Variants in KLRG1 observed in about 807,000 individuals in gnomAD.
KLRG1 encodes the protein killer cell lectin-like receptor subfamily G member 1.
In KLRG1, 16 loss-of-function variants were observed where a neutral mutation model predicts 21.8. That is an observed-to-expected ratio of 0.73 (90% CI 0.50 to 1.11). The LOEUF is 1.11. Ranked by LOEUF, KLRG1 falls within the 50% of genes most tolerant of loss-of-function variation. The probability of loss-of-function intolerance (pLI) is 0.00; values close to 1 mark genes in which losing one functional copy is unlikely to be tolerated. For missense variants in KLRG1, 173 were observed against 218.3 expected, an observed-to-expected ratio of 0.79 and a Z score of 1.31; for synonymous variants, 69 against 75.9, an observed-to-expected ratio of 0.91 and a Z score of 0.47.
At chr12:9,087,995 G>T in the KLRG1 span, among the ~76,000 whole-genome samples, 1 of 152,086 alleles carries the variant, frequency 6.6e-6, no homozygotes, top group Non-Finnish European at 1.5e-5. Flanking sequence ...AAGCAGAATT[G>T]TGATGTATTT....
At chr12:9,031,310 A>G in the KLRG1 span, among the ~76,000 whole-genome samples, 2 of 152,228 alleles carry the variant, frequency 1.3e-5, no homozygotes, top group Non-Finnish European at 2.9e-5. Context: ...TTTAGAATGC[A>G]TCTCTGAATT....
At chr12:9,029,951 G>A in the KLRG1 span, among the ~76,000 whole-genome samples, 4 of 151,716 alleles carry the variant, frequency 2.6e-5, no homozygotes, top group South Asian at 2.1e-4. Flanking sequence ...ACAGGGTTTC[G>A]CCATATTGGC....
the KLRG1 span, among the ~76,000 whole-genome samples, chr12:9,181,784 T>C: frequency 6.6e-6 from 1 of 152,320 alleles, no homozygotes; most frequent in East Asian, 1.9e-4. Flanking sequence ...TGTATTTTAT[T>C]TGGTAGCAGC....
At chr12:9,099,951 ATTTT>A in the KLRG1 span, among the ~76,000 whole-genome samples, 1 of 152,200 alleles carries the variant, frequency 6.6e-6, no homozygotes, top group African/African-American at 2.4e-5. Flanking sequence ...TTCAGAAGTT[ATTTT>A]TTGATGCCTA....
At chr12:9,168,862 G>A in the KLRG1 span, 1 of 1,599,004 alleles carries the variant, frequency 6.3e-7, no homozygotes, top group East Asian at 2.2e-5. Context: ...GCAAATTGCT[G>A]TTTTACCTCC....
At chr12:9,131,789 T>C in the KLRG1 span, among the ~76,000 whole-genome samples, 5 of 151,702 alleles carry the variant, frequency 3.3e-5, no homozygotes, top group African/African-American at 7.3e-5. Flanking sequence ...TTTATATACA[T>C]ATATATACAC....
At chr12:9,050,705 C>T in the KLRG1 span, among the ~76,000 whole-genome samples, 5 of 152,092 alleles carry the variant, frequency 3.3e-5, no homozygotes, top group Non-Finnish European at 5.9e-5. Context: ...CTGGGCCTCG[C>T]GCTCCACGGA....
chr12:9,019,537 G>A, the KLRG1 span, among the ~76,000 whole-genome samples: 1 of 152,182 alleles, frequency 6.6e-6, no homozygotes, highest in African/African-American at 2.4e-5. Context: ...ATGAATAGAA[G>A]AATGGATAAA....
At chr12:8,958,983 A>C (rs1035581988) in intron 1 of KLRG1, among the ~76,000 whole-genome samples, 1 of 152,218 alleles carries the variant, frequency 6.6e-6, no homozygotes, top group Non-Finnish European at 1.5e-5. Context: ...CCTTTGCAGA[A>C]CTATAAGTAA....
the KLRG1 span, among the ~76,000 whole-genome samples, chr12:9,102,746 AG>A: frequency 2.6e-5 from 4 of 152,230 alleles, no homozygotes; most frequent in East Asian, 7.7e-4. Flanking sequence ...CACCCCAAAC[AG>A]GGAACAGGTA....
chr12:9,038,353 A>C, the KLRG1 span, among the ~76,000 whole-genome samples: 1 of 152,182 alleles, frequency 6.6e-6, no homozygotes, highest in South Asian at 2.1e-4. Flanking sequence ...AAAGCTGCTG[A>C]AGCTGCTGTC....
chr12:9,173,580 G>A, the KLRG1 span, among the ~76,000 whole-genome samples: 1 of 152,144 alleles, frequency 6.6e-6, no homozygotes, highest in Non-Finnish European at 1.5e-5. Flanking sequence ...TAGACTGCTA[G>A]CTAGACTAAT....
chr12:8,982,802 C>T (rs972684912), intron 1 of KLRG1, among the ~76,000 whole-genome samples: 15 of 151,976 alleles, frequency 9.9e-5, no homozygotes, highest in Admixed American at 2.0e-4. Flanking sequence ...CCTGCCACCA[C>T]GCCTGGCTAT....
At chr12:9,105,943 G>A in the KLRG1 span, among the ~76,000 whole-genome samples, 1 of 152,104 alleles carries the variant, frequency 6.6e-6, no homozygotes, top group Non-Finnish European at 1.5e-5. Flanking sequence ...CCATGAGAAG[G>A]AGATTGAGTG....
the KLRG1 span, among the ~76,000 whole-genome samples, chr12:9,147,598 A>G: frequency 1.2e-4 from 19 of 152,028 alleles, no homozygotes; most frequent in Admixed American, 9.8e-4. Context: ...TTGTTACTAA[A>G]CTGGTGTTCA....
chr12:9,107,048 C>G, the KLRG1 span, among the ~76,000 whole-genome samples: 1 of 152,164 alleles, frequency 6.6e-6, no homozygotes, highest in Non-Finnish European at 1.5e-5. Context: ...TTTTGAAATA[C>G]ACAGTACATC....
At chr12:9,114,971 TC>T in the KLRG1 span, among the ~76,000 whole-genome samples, 1 of 152,170 alleles carries the variant, frequency 6.6e-6, no homozygotes, top group Non-Finnish European at 1.5e-5. Context: ...AGCTGTTTTT[TC>T]CCCCAGTGAA....
chr12:8,968,300 T>G (rs1946512292), intron 1 of KLRG1, among the ~76,000 whole-genome samples: 2 of 151,312 alleles, frequency 1.3e-5, no homozygotes. Context: ...AGAGTTGGAG[T>G]GCCTATCTTA....
At chr12:9,068,020 A>G in the KLRG1 span, 1 of 976,684 alleles carries the variant, frequency 1.0e-6, no homozygotes, top group Non-Finnish European at 1.6e-6. Flanking sequence ...GGTTTGACAG[A>G]GTCAGCGGCC....
Sources: allele counts gnomAD v4.1 joint callset (sites outside exome capture counted in the v4.1 genomes callset), GRCh38; gene constraint gnomAD v4.1.1; transcripts MANE v1.5; gene names NCBI Gene and HGNC (gene_info 2026-07-23, HGNC 2026-07-21).